The following PHACTR3 variants were observed in gnomAD, a reference collection of about 807,000 sequenced individuals.
PHACTR3 encodes phosphatase and actin regulator 3.
Under a neutral mutation model 66.8 loss-of-function variants are expected in PHACTR3, and 16 were observed. That is an observed-to-expected ratio of 0.24 (90% confidence interval 0.16 to 0.36). The LOEUF (loss-of-function observed/expected upper bound fraction) is 0.36, where lower values mean the gene tolerates loss of function less well. Among genes scored for constraint, PHACTR3 ranks in the 10% least tolerant of loss-of-function variants. PHACTR3 has a pLI of 1.00. For synonymous variants in PHACTR3, 323 were observed against 292.1 expected (o/e 1.11, Z -1.08); for missense variants, 647 against 719.9 (o/e 0.90, Z 1.16).
intron 1 of PHACTR3, among the ~76,000 whole-genome samples, chr20:59,719,447 G>A (rs985754155): frequency 2.6e-5 from 4 of 152,218 alleles, no homozygotes; most frequent in African/African-American, 4.8e-5. Flanking sequence ...ATAGGCATGA[G>A]CCACCGCTCC....
In PHACTR3 at chr20:59,775,379, G is replaced by A. The variant is rs774982746; in HGVS notation, c.1174+889G>A. Among the ~76,000 whole-genome samples, 18 of 152,236 alleles carry A rather than the reference G, an allele frequency of 1.2e-4. 1 individual carries two copies. The South Asian group carries it at 1.2e-3, about 11-fold the overall frequency. On this transcript the variant is annotated intron_variant, in intron 7 of 12. Coordinates refer to ENST00000371015, the MANE Select transcript of PHACTR3 (RefSeq NM_080672.5). ...CGGGCATGGGCAAAGCTCAGGCCAC[G>A]TCTCCCTGGGTGTCTGTGGGGAGCA...
At chr20:59,583,435 A>G (rs1423469576) in intron 1 of PHACTR3, among the ~76,000 whole-genome samples, 2 of 152,182 alleles carry the variant, frequency 1.3e-5, no homozygotes, top group African/African-American at 2.4e-5. Flanking sequence ...TGGTTTTATT[A>G]ATACGATTGA....
chr20:59,620,741 C>G (rs908611836), intron 1 of PHACTR3, among the ~76,000 whole-genome samples: 3 of 152,176 alleles, frequency 2.0e-5, no homozygotes, highest in Non-Finnish European at 4.4e-5. Context: ...TGTGGGAAAC[C>G]TTGAGACTGT....
intron 1 of PHACTR3, among the ~76,000 whole-genome samples, chr20:59,674,761 T>C (rs1268597200): frequency 4.8e-4 from 18 of 37,644 alleles, no homozygotes; most frequent in East Asian, 2.7e-3. Flanking sequence ...GTTCCCTCCT[T>C]CTCCTGTTCC....
At chr20:59,584,918 C>T (rs1377729367) in intron 1 of PHACTR3, among the ~76,000 whole-genome samples, 1 of 152,190 alleles carries the variant, frequency 6.6e-6, no homozygotes, top group Non-Finnish European at 1.5e-5. Context: ...AGCCCCCACC[C>T]CCTCAGCAGC....
chr20:59,585,760 G>A (rs2033009153), intron 1 of PHACTR3, among the ~76,000 whole-genome samples: 2 of 152,200 alleles, frequency 1.3e-5, no homozygotes. Flanking sequence ...CGCGTGCAGA[G>A]GCCCTTGCGG....
intron 1 of PHACTR3, among the ~76,000 whole-genome samples, chr20:59,694,985 T>C (rs1244532293): frequency 6.6e-6 from 1 of 152,114 alleles, no homozygotes; most frequent in Non-Finnish European, 1.5e-5. Context: ...ACAAGTGGAC[T>C]GTGAACTCTC....
chr20:59,691,257 G>C (rs1164553029), intron 1 of PHACTR3, among the ~76,000 whole-genome samples: 2 of 152,124 alleles, frequency 1.3e-5, no homozygotes, highest in African/African-American at 2.4e-5. Context: ...ATTGTCAACA[G>C]GGATGATTTT....
chr20:59,826,391 C>G (rs752761706), intron 8 of PHACTR3, among the ~76,000 whole-genome samples: 15 of 152,196 alleles, frequency 9.9e-5, no homozygotes, highest in Non-Finnish European at 1.9e-4. Context: ...CTGACTCAAC[C>G]TGGGCTTGGC....
At chr20:59,613,779 T>C (rs1421335469) in intron 1 of PHACTR3, among the ~76,000 whole-genome samples, 1 of 152,190 alleles carries the variant, frequency 6.6e-6, no homozygotes. Context: ...AGTTTTTATG[T>C]TTTGTGCCAT....
intron 7 of PHACTR3, among the ~76,000 whole-genome samples, chr20:59,805,801 C>T (rs2041548142): frequency 6.6e-6 from 1 of 152,216 alleles, no homozygotes; most frequent in Admixed American, 6.5e-5. Context: ...TACCTGGAAA[C>T]CCATGAGTAG....
At chr20:59,667,877 A>C (rs760374210) in intron 1 of PHACTR3, among the ~76,000 whole-genome samples, 1 of 152,216 alleles carries the variant, frequency 6.6e-6, no homozygotes, top group Non-Finnish European at 1.5e-5. Flanking sequence ...TCCGAGTTAA[A>C]ACCTCCTACT....
chr20:59,825,201 T>G (rs1317724971), intron 8 of PHACTR3, among the ~76,000 whole-genome samples: 1 of 152,234 alleles, frequency 6.6e-6, no homozygotes, highest in Admixed American at 6.5e-5. Context: ...GCACACATAC[T>G]GCCTTTTGTA....
chr20:59,582,594 A>G (rs961334812), intron 1 of PHACTR3, among the ~76,000 whole-genome samples: 2 of 152,206 alleles, frequency 1.3e-5, no homozygotes, highest in Non-Finnish European at 2.9e-5. Flanking sequence ...CACTTGATAC[A>G]TTCACATTCT....
chr20:59,841,368 C>G lies in PHACTR3; in HGVS notation c.1447-27C>G, dbSNP rs766573279. On this transcript the variant is annotated intron_variant, in intron 10 of 12. Transcript: ENST00000371015. The stretch of plus-strand genomic sequence containing the variant: ...AAAAAAGCTAGTTTGGCATGTGATA[C>G]TTAACTATGATGATCTTTAATTTTA... The G allele has an allele frequency of 4.4e-6, 7 of 1,595,534 alleles. No homozygotes were observed. The African/African-American group carries it at 9.4e-5, about 21-fold the overall frequency.
chr20:59,683,263 A>G (rs2036731003), intron 1 of PHACTR3, among the ~76,000 whole-genome samples: 2 of 152,222 alleles, frequency 1.3e-5, no homozygotes, highest in Admixed American at 6.5e-5. Flanking sequence ...AATTTTGGCT[A>G]CAGTGAATTT....
chr20:59,682,238 G>A (rs975950068), intron 1 of PHACTR3, among the ~76,000 whole-genome samples: 1 of 152,148 alleles, frequency 6.6e-6, no homozygotes, highest in South Asian at 2.1e-4. Flanking sequence ...TACTCGGCAG[G>A]CTGAGGCAGG....
intron 1 of PHACTR3, among the ~76,000 whole-genome samples, chr20:59,613,010 A>T (rs1412730539): frequency 1.3e-5 from 2 of 152,034 alleles, no homozygotes; most frequent in East Asian, 3.9e-4. Context: ...TCAGAACGAG[A>T]ACTCCCTCAG....
chr20:59,677,470 G>A (rs2036489441), intron 1 of PHACTR3, among the ~76,000 whole-genome samples: 2 of 152,136 alleles, frequency 1.3e-5, no homozygotes, highest in African/African-American at 4.8e-5. Context: ...CTGGAGTTGG[G>A]GCCCAAGAAG....
Sources: allele counts gnomAD v4.1 joint callset (sites outside exome capture counted in the v4.1 genomes callset), GRCh38; gene constraint gnomAD v4.1.1; transcripts MANE v1.5; gene names NCBI Gene and HGNC (gene_info 2026-07-23, HGNC 2026-07-21).